DOCK1: variants seen among roughly 807,000 people sequenced by gnomAD.
DOCK1 encodes the protein dedicator of cytokinesis protein 1.
A neutral mutation model predicts 262.7 loss-of-function variants in DOCK1; 138 were observed. The ratio of observed to expected loss-of-function variants is 0.53; its 90% CI spans 0.46 to 0.61. DOCK1 has a LOEUF of 0.61. Ranked by LOEUF, DOCK1 falls within the 20% of genes least tolerant of loss-of-function variation. DOCK1 has a pLI of 0.00. For missense variants in DOCK1, 1,908 were observed against 2,370.7 expected (o/e 0.80, Z 4.05); for synonymous variants, 866 against 867.4 (o/e 1.00, Z 0.03).
intron 2 of DOCK1, among the ~76,000 whole-genome samples, chr10:126,971,672 C>G (rs950539639): frequency 7.2e-5 from 11 of 152,206 alleles, no homozygotes; most frequent in African/African-American, 2.2e-4. Context: ...CCTGCCTCAG[C>G]CTCTCAGAAT....
chr10:127,036,123 T>A (rs991438474), intron 18 of DOCK1, among the ~76,000 whole-genome samples: 1 of 152,242 alleles, frequency 6.6e-6, no homozygotes, highest in Non-Finnish European at 1.5e-5. Context: ...GGCATTCTGC[T>A]AAGTGCTTTC....
chr10:127,021,613 G>A (rs2042428351), intron 13 of DOCK1, among the ~76,000 whole-genome samples: 3 of 152,284 alleles, frequency 2.0e-5, no homozygotes, highest in South Asian at 2.1e-4. Context: ...CACAGCAAAT[G>A]AGCAACAAGT....
At chr10:127,195,339 G>C (rs1037699218) in intron 27 of DOCK1, among the ~76,000 whole-genome samples, 1 of 152,294 alleles carries the variant, frequency 6.6e-6, no homozygotes, top group East Asian at 1.9e-4. Flanking sequence ...TCCCACGCCT[G>C]TCCCGGTCTG....
rs1344862726 is a variant in DOCK1 at position 127,037,819 on chromosome 10, A to G, written c.2010+3A>G. On this transcript the variant is annotated splice_donor_region_variant and intron_variant, in intron 19 of 51. Coordinates refer to ENST00000623213, the MANE Select transcript of DOCK1 (RefSeq NM_001290223.2). ...TCGATGGTGGTGAAGTAGTGAAGGT[A>G]ACATGGAGCCCAAAGGGACTTTTTG... 1 of 1,571,106 alleles carries G rather than the reference A, an allele frequency of 6.4e-7. No individual in the cohort carries two copies. The highest frequency in any genetic ancestry group is 8.6e-7 in the Non-Finnish European group (1 of 1,160,752).
chr10:127,320,523 GGGAA>G (rs1353907404), intron 29 of DOCK1, among the ~76,000 whole-genome samples: 1 of 152,138 alleles, frequency 6.6e-6, no homozygotes. Flanking sequence ...GTCAGAGCTG[GGGAA>G]GGCAGGTGGG....
chr10:127,042,944 A>C, intron 20 of DOCK1, 120 bp from the exon 21 acceptor site: 2 of 880,816 alleles, frequency 2.3e-6, no homozygotes, highest in Non-Finnish European at 1.7e-6. Flanking sequence ...CTAGCCACCA[A>C]CTTCTATCTG....
intron 22 of DOCK1, among the ~76,000 whole-genome samples, chr10:127,056,978 C>T (rs577929285): frequency 1.5e-4 from 23 of 152,292 alleles, no homozygotes; most frequent in Non-Finnish European, 2.6e-4. Context: ...CATCCCACCC[C>T]TGCTCCCCAT....
intron 8 of DOCK1, 164 bp downstream of exon 8, chr10:126,998,413 A>T: frequency 1.1e-6 from 1 of 901,746 alleles, no homozygotes; most frequent in South Asian, 1.9e-5. Flanking sequence ...GTGTGATGGC[A>T]GCCAGGTTGG....
chr10:127,054,635 G>A lies in DOCK1; in HGVS notation c.2336+1820G>A, dbSNP rs538416380. 5.3e-5 allele frequency among the ~76,000 whole-genome samples: 8 copies of A among 152,220 alleles called. No individual in the cohort carries two copies. The South Asian group carries it at 1.5e-3, about 28-fold the overall frequency. Reference sequence around the variant, plus strand: ...GAAAATGAACTTCCTGGCCCCCCCTGCCTTGCTGTTATATTTTCCTCACTG... The same window carrying A: ...GAAAATGAACTTCCTGGCCCCCCCTACCTTGCTGTTATATTTTCCTCACTG... On this transcript the variant is annotated intron_variant, in intron 22 of 51. Coordinates refer to ENST00000623213, the MANE Select transcript of DOCK1 (RefSeq NM_001290223.2).
At chr10:127,253,874 C>CCAAAAAAAAAAAAA (rs1554931830) in intron 28 of DOCK1, among the ~76,000 whole-genome samples, 1 of 101,472 alleles carries the variant, frequency 9.9e-6, no homozygotes, top group African/African-American at 3.6e-5. Context: ...GACCCTGTCT[C>CCAAAAAAAAAAAAA]AAAAAAAAAA....
rs2043297537 is a variant in DOCK1, at chr10:127,032,338, AAC to A, written c.1912+23_1912+24del. 1 of 1,496,828 alleles carries A rather than the reference AAC, an allele frequency of 6.7e-7. No homozygotes were observed. Among genetic ancestry groups the A allele is most frequent in the Admixed American group, 2.6e-5 (1 of 38,226 alleles). The allele number at this position is 1,496,828 out of a possible 1,614,324, so 92.7% of individuals were successfully genotyped here. On this transcript the variant is annotated intron_variant, in intron 18 of 51. Coordinates refer to ENST00000623213, the MANE Select transcript of DOCK1 (RefSeq NM_001290223.2). ...TCAGAACGGTGCGTTCGAGAGGAGAAACACACTCACCCCAGGAGCTCTGCCCC... is the reference window on the plus strand; with the variant it reads ...TCAGAACGGTGCGTTCGAGAGGAGAAACACTCACCCCAGGAGCTCTGCCCC...
intron 25 of DOCK1, among the ~76,000 whole-genome samples, chr10:127,121,773 G>A (rs2049597402): frequency 6.6e-6 from 1 of 152,178 alleles, no homozygotes; most frequent in South Asian, 2.1e-4. Flanking sequence ...TAGTTGAAAA[G>A]GCTGACTTTG....
At chr10:127,073,478 T>G (rs1049963862) in intron 23 of DOCK1, among the ~76,000 whole-genome samples, 1 of 152,220 alleles carries the variant, frequency 6.6e-6, no homozygotes, top group Non-Finnish European at 1.5e-5. Flanking sequence ...AATTGATTCA[T>G]GTAGTTTGGG....
At chr10:127,044,744 C>A (rs2044231967) in intron 21 of DOCK1, among the ~76,000 whole-genome samples, 1 of 152,214 alleles carries the variant, frequency 6.6e-6, no homozygotes, top group African/African-American at 2.4e-5. Flanking sequence ...CACATCTCTT[C>A]ATTGGCGCCA....
At chr10:126,950,911 TTGA>T (rs1270753423) in intron 1 of DOCK1, among the ~76,000 whole-genome samples, 1 of 152,056 alleles carries the variant, frequency 6.6e-6, no homozygotes, top group Non-Finnish European at 1.5e-5. Context: ...GATGTTATTG[TTGA>T]TGATGGTGGT....
intron 19 of DOCK1, 53 bp from the exon 20 acceptor site, chr10:127,042,571 GT>G (rs1366370688): frequency 6.8e-7 from 1 of 1,473,426 alleles, no homozygotes; most frequent in Non-Finnish European, 9.5e-7. Flanking sequence ...ATTCCAGTGT[GT>G]GGGGGAAGTC....
At chr10:127,195,543 A>C (rs1264726048) in intron 27 of DOCK1, among the ~76,000 whole-genome samples, 1 of 147,286 alleles carries the variant, frequency 6.8e-6, no homozygotes, top group African/African-American at 2.5e-5. Flanking sequence ...GAAGTTAATC[A>C]GCCGTACTTG....
At chr10:126,945,836 GTGT>G (rs1245763552) in intron 1 of DOCK1, among the ~76,000 whole-genome samples, 2 of 152,246 alleles carry the variant, frequency 1.3e-5, no homozygotes, top group African/African-American at 4.8e-5. Context: ...AGGCAGTTCA[GTGT>G]CGGAGTGGCC....
At chr10:127,361,269 A>G (rs921857417) in intron 32 of DOCK1, among the ~76,000 whole-genome samples, 2 of 151,676 alleles carry the variant, frequency 1.3e-5, no homozygotes, top group African/African-American at 2.4e-5. Context: ...GCCCGCTACC[A>G]CGCCCAGCTG....
Sources: allele counts gnomAD v4.1 joint callset (sites outside exome capture counted in the v4.1 genomes callset), GRCh38; gene constraint gnomAD v4.1.1; transcripts MANE v1.5; gene names NCBI Gene and HGNC (gene_info 2026-07-23, HGNC 2026-07-21).